LHFPL3: variants seen among roughly 807,000 people sequenced by gnomAD.
The protein encoded by LHFPL3 is LHFPL tetraspan subfamily member 3, also known as LHFPL tetraspan subfamily member 3 protein.
Under a neutral mutation model 19.3 loss-of-function variants are expected in LHFPL3, and 5 were observed. The observed-to-expected ratio is 0.26, with a 90% confidence interval of 0.14 to 0.54. The LOEUF (loss-of-function observed/expected upper bound fraction) is 0.54. Among genes scored for constraint, LHFPL3 ranks in the 20% least tolerant of loss-of-function variants. LHFPL3 has a pLI of 0.94. For synonymous variants in LHFPL3, 133 were observed against 126.2 expected (o/e 1.05, Z -0.36); for missense variants, 249 against 307.4 (o/e 0.81, Z 1.42).
intron 1 of LHFPL3, among the ~76,000 whole-genome samples, chr7:104,641,182 A>AAAAC (rs1387637168): frequency 6.6e-6 from 1 of 152,220 alleles, no homozygotes; most frequent in Non-Finnish European, 1.5e-5. Flanking sequence ...ATGTAACTTG[A>AAAAC]AAACAACCAA....
rs57028058 is a variant in LHFPL3, at chr7:104,585,480, AACACAC to A, written c.446-151158_446-151153del. Among the ~76,000 whole-genome samples, 890 of 123,458 alleles carry A rather than the reference AACACAC, an allele frequency of 7.2e-3. 7 individuals are homozygous for A. The highest frequency in any genetic ancestry group is 0.012 in the African/African-American group (401 of 33,066). 81.0% of individuals were successfully genotyped at this position (123,458 alleles called of 152,430 possible). A position where few individuals can be genotyped will look rare whatever the true frequency, so the allele number is the denominator to read the frequency against. On this transcript the variant is annotated intron_variant, in intron 1 of 2. Transcript: ENST00000424859. The stretch of plus-strand genomic sequence containing the variant: ...AAAGTGGAATAAGGCAACACACACA[AACACAC>A]ACACACACACACACACACACACACA...
At chr7:104,865,813 G>C (rs1387020873) in intron 2 of LHFPL3, among the ~76,000 whole-genome samples, 2 of 152,092 alleles carry the variant, frequency 1.3e-5, no homozygotes, top group Non-Finnish European at 2.9e-5. Flanking sequence ...AAATGTTAAG[G>C]GCAGCCAGAG....
intron 2 of LHFPL3, among the ~76,000 whole-genome samples, chr7:104,887,355 G>T (rs562918175): frequency 3.9e-5 from 6 of 152,222 alleles, no homozygotes; most frequent in Non-Finnish European, 5.9e-5. Context: ...GACACTGGTA[G>T]GGGATGAAAA....
chr7:104,903,717 T>G (rs1331357264), intron 2 of LHFPL3, among the ~76,000 whole-genome samples: 3 of 152,116 alleles, frequency 2.0e-5, no homozygotes, highest in Non-Finnish European at 2.9e-5. Flanking sequence ...CTGCCCACCT[T>G]GGCCTCCCAA....
intron 1 of LHFPL3, among the ~76,000 whole-genome samples, chr7:104,535,012 G>T (rs1459326069): frequency 5.3e-5 from 8 of 152,190 alleles, no homozygotes; most frequent in Admixed American, 2.0e-4. Flanking sequence ...GAGGAGGAAA[G>T]AGTGGATTTG....
intron 1 of LHFPL3, among the ~76,000 whole-genome samples, chr7:104,420,828 C>T (rs1791718273): frequency 6.6e-6 from 1 of 151,944 alleles, no homozygotes; most frequent in African/African-American, 2.4e-5. Context: ...TCCCAAAGTG[C>T]TGGGATTACA....
intron 1 of LHFPL3, among the ~76,000 whole-genome samples, chr7:104,338,093 CTTTTTTTTTT>C (rs71296520): frequency 8.2e-5 from 7 of 85,846 alleles, no homozygotes; most frequent in African/African-American, 1.4e-4. Flanking sequence ...TTTCCTTTTT[CTTTTTTTTTT>C]TTTTTTTTTT....
intron 2 of LHFPL3, among the ~76,000 whole-genome samples, chr7:104,789,937 A>G (rs1371421552): frequency 6.6e-6 from 1 of 152,158 alleles, no homozygotes; most frequent in South Asian, 2.1e-4. Flanking sequence ...CTACTATACA[A>G]TGAGGGCACT....
chr7:104,809,254 C>T (rs1019124781), intron 2 of LHFPL3, among the ~76,000 whole-genome samples: 9 of 152,296 alleles, frequency 5.9e-5, no homozygotes, highest in African/African-American at 1.9e-4. Flanking sequence ...ATATTTTAGC[C>T]TGGAGCTATT....
At chr7:104,603,123 TTTCTTTC>T (rs1791013883) in intron 1 of LHFPL3, among the ~76,000 whole-genome samples, 1 of 127,214 alleles carries the variant, frequency 7.9e-6, no homozygotes, top group South Asian at 2.6e-4. Context: ...TCTTTCTTTC[TTTCTTTC>T]TTTTTTCCCT....
At chr7:104,760,091 A>T (rs1327865156) in intron 2 of LHFPL3, among the ~76,000 whole-genome samples, 1 of 152,190 alleles carries the variant, frequency 6.6e-6, no homozygotes, top group Non-Finnish European at 1.5e-5. Context: ...AGAGGTTCCG[A>T]TTCAGCGATT....
chr7:104,766,914 A>T (rs566862342), intron 2 of LHFPL3, among the ~76,000 whole-genome samples: 1 of 152,350 alleles, frequency 6.6e-6, no homozygotes, highest in South Asian at 2.1e-4. Context: ...TTTGCACACC[A>T]AATTCATGCA....
chr7:104,847,120 T>C (rs1375264181), intron 2 of LHFPL3, among the ~76,000 whole-genome samples: 1 of 152,192 alleles, frequency 6.6e-6, no homozygotes, highest in Non-Finnish European at 1.5e-5. Flanking sequence ...CTCAGATAGA[T>C]GTGGCAAGCT....
intron 1 of LHFPL3, among the ~76,000 whole-genome samples, chr7:104,460,627 G>GT (rs1373274955): frequency 6.6e-6 from 1 of 151,998 alleles, no homozygotes; most frequent in Non-Finnish European, 1.5e-5. Flanking sequence ...TAATATGATT[G>GT]TTGCCCACAT....
intron 1 of LHFPL3, among the ~76,000 whole-genome samples, chr7:104,709,107 C>A (rs145653265): frequency 6.6e-5 from 10 of 152,178 alleles, no homozygotes; most frequent in Non-Finnish European, 1.2e-4. Context: ...CAAGGAAAAT[C>A]AGTGGAGTCC....
chr7:104,666,509 A>ATTTTTTT (rs1315147894), intron 1 of LHFPL3, among the ~76,000 whole-genome samples: 9 of 44,142 alleles, frequency 2.0e-4, no homozygotes, highest in Non-Finnish European at 2.8e-4. Context: ...ACAGGATTTC[A>ATTTTTTT]TTCTTTTTTT....
intron 2 of LHFPL3, among the ~76,000 whole-genome samples, chr7:104,859,348 TA>T (rs1791570940): frequency 6.6e-6 from 1 of 151,754 alleles, no homozygotes; most frequent in Non-Finnish European, 1.5e-5. Flanking sequence ...TGAAAAAAAT[TA>T]TTATGAATAC....
intron 2 of LHFPL3, among the ~76,000 whole-genome samples, chr7:104,887,661 C>A (rs900513894): frequency 1.3e-5 from 2 of 152,164 alleles, no homozygotes; most frequent in African/African-American, 4.8e-5. Flanking sequence ...CCAGTGGGCA[C>A]TGAAATGGTA....
At chr7:104,824,591 AATTATAT>A (rs1273867957) in intron 2 of LHFPL3, among the ~76,000 whole-genome samples, 1 of 76,550 alleles carries the variant, frequency 1.3e-5, no homozygotes, top group African/African-American at 5.4e-5. Context: ...TAATATATAT[AATTATAT>A]ATTATATATA....
Sources: gnomAD v4.1 joint callset for allele counts (sites outside exome capture counted in the v4.1 genomes callset) on GRCh38, gnomAD v4.1.1 for gene constraint, MANE v1.5 for transcripts, NCBI Gene and HGNC (gene_info 2026-07-23, HGNC 2026-07-21) for gene names.